The following GRIP1 variants were observed in gnomAD, a reference collection of about 807,000 sequenced individuals.
The protein encoded by GRIP1 is glutamate receptor interacting protein 1.
Under a neutral mutation model 129.9 loss-of-function variants are expected in GRIP1, and 45 were observed. The observed-to-expected ratio is 0.35, with a 90% confidence interval of 0.27 to 0.44. The LOEUF is 0.44. Among genes scored for constraint, GRIP1 ranks in the 20% least tolerant of loss-of-function variants. The pLI, the probability that GRIP1 is intolerant of heterozygous loss-of-function variation, is 1.00. For missense variants in GRIP1, 1,196 were observed against 1,396.8 expected (o/e 0.86, Z 2.29); for synonymous variants, 530 against 520.8 (o/e 1.02, Z -0.24).
intron 1 of GRIP1, among the ~76,000 whole-genome samples, chr12:66,690,650 G>A (rs534620701): frequency 1.8e-4 from 27 of 151,202 alleles, no homozygotes; most frequent in Non-Finnish European, 3.7e-4. Context: ...AGAACCAGCT[G>A]AGCTCAGGAG....
At chr12:66,530,510 G>T (rs1334193640) in intron 4 of GRIP1, among the ~76,000 whole-genome samples, 1 of 152,104 alleles carries the variant, frequency 6.6e-6, no homozygotes, top group African/African-American at 2.4e-5. Flanking sequence ...ACTACAGATT[G>T]ACTTAATTTT....
intron 1 of GRIP1, among the ~76,000 whole-genome samples, chr12:66,754,141 T>G (rs2037211278): frequency 6.6e-6 from 1 of 152,238 alleles, no homozygotes; most frequent in Non-Finnish European, 1.5e-5. Context: ...AATTATGATC[T>G]GTTGTGATTT....
intron 1 of GRIP1, among the ~76,000 whole-genome samples, chr12:66,809,286 A>C (rs1223460421): frequency 6.6e-6 from 1 of 152,254 alleles, no homozygotes; most frequent in Non-Finnish European, 1.5e-5. Flanking sequence ...TTCCTAGATC[A>C]GCGATTAGGG....
At chr12:66,593,640 C>T (rs760530551) in intron 2 of GRIP1, among the ~76,000 whole-genome samples, 1 of 152,158 alleles carries the variant, frequency 6.6e-6, no homozygotes, top group South Asian at 2.1e-4. Context: ...TGCTACTTTA[C>T]ACTCTTTTTC....
At chr12:66,767,214 T>C (rs953392959) in intron 1 of GRIP1, among the ~76,000 whole-genome samples, 1 of 152,174 alleles carries the variant, frequency 6.6e-6, no homozygotes, top group Non-Finnish European at 1.5e-5. Flanking sequence ...TAAAATACTA[T>C]TTTTTGCCAC....
chr12:66,865,648 C>G (rs575771539), intron 1 of GRIP1, among the ~76,000 whole-genome samples: 225 of 152,204 alleles, frequency 1.5e-3, no homozygotes, highest in African/African-American at 3.6e-3. Context: ...CCCACCCATT[C>G]ATTCATCTAC....
intron 1 of GRIP1, among the ~76,000 whole-genome samples, chr12:66,725,857 A>G (rs1443330475): frequency 1.3e-5 from 2 of 152,232 alleles, no homozygotes; most frequent in African/African-American, 4.8e-5. Flanking sequence ...CTGCAAATTC[A>G]TAACTCACTA....
chr12:66,930,039 TTC>T (rs1248824999), intron 1 of GRIP1, among the ~76,000 whole-genome samples: 3 of 143,338 alleles, frequency 2.1e-5, no homozygotes, highest in South Asian at 2.3e-4. Context: ...GTTACCCAGG[TTC>T]TCTCTCTCTC....
At chr12:66,560,910 C>A (rs370933484) in intron 2 of GRIP1, among the ~76,000 whole-genome samples, 1 of 152,174 alleles carries the variant, frequency 6.6e-6, no homozygotes, top group African/African-American at 2.4e-5. Flanking sequence ...GCACTATGTA[C>A]AACAACCAGG....
intron 1 of GRIP1, among the ~76,000 whole-genome samples, chr12:66,724,822 T>C (rs1240486233): frequency 6.6e-6 from 1 of 152,160 alleles, no homozygotes. Context: ...ACAATCTGCC[T>C]GAGGGCTAAC....
intron 1 of GRIP1, among the ~76,000 whole-genome samples, chr12:66,659,088 G>C (rs1427329768): frequency 1.3e-5 from 2 of 152,136 alleles, no homozygotes; most frequent in African/African-American, 4.8e-5. Flanking sequence ...CATGGCTTTT[G>C]TACTTGCTCT....
intron 1 of GRIP1, among the ~76,000 whole-genome samples, chr12:66,860,298 T>C (rs2040089014): frequency 6.6e-6 from 1 of 152,076 alleles, no homozygotes; most frequent in African/African-American, 2.4e-5. Flanking sequence ...TAGTTTCCTT[T>C]CAGGACAGTG....
At chr12:66,787,907 A>G (rs542737624) in intron 1 of GRIP1, among the ~76,000 whole-genome samples, 71 of 152,236 alleles carry the variant, frequency 4.7e-4, no homozygotes, top group African/African-American at 1.6e-3. Context: ...TGATCTGCCT[A>G]CCATCAGCCA....
chr12:66,378,118 A>C (rs2055901564), intron 20 of GRIP1, among the ~76,000 whole-genome samples: 2 of 152,036 alleles, frequency 1.3e-5, no homozygotes, highest in African/African-American at 4.8e-5. Flanking sequence ...AAAAAAAAAA[A>C]AGTAACTTAA....
chr12:66,455,020 T>G (rs2058915966), intron 11 of GRIP1, among the ~76,000 whole-genome samples: 1 of 152,300 alleles, frequency 6.6e-6, no homozygotes, highest in South Asian at 2.1e-4. Context: ...TTTCACAAAA[T>G]TTCTTTAGAA....
chr12:66,921,074 G>A (rs1566079113), intron 1 of GRIP1, among the ~76,000 whole-genome samples: 1 of 152,132 alleles, frequency 6.6e-6, no homozygotes, highest in Non-Finnish European at 1.5e-5. Context: ...TACCATTAGA[G>A]GCAGGTGATA....
intron 7 of GRIP1, among the ~76,000 whole-genome samples, chr12:66,467,530 A>G (rs1048726688): frequency 4.6e-5 from 7 of 152,168 alleles, no homozygotes; most frequent in African/African-American, 1.4e-4. Context: ...CATGAGCCTT[A>G]GTCAGGAGAC....
chr12:66,716,089 A>T (rs976329139), intron 1 of GRIP1, among the ~76,000 whole-genome samples: 3 of 152,020 alleles, frequency 2.0e-5, no homozygotes, highest in Non-Finnish European at 4.4e-5. Flanking sequence ...TCTGAGGTCA[A>T]TTCCCCTTAA....
At chr12:66,690,259 T>C (rs1219087222) in intron 1 of GRIP1, among the ~76,000 whole-genome samples, 2 of 152,210 alleles carry the variant, frequency 1.3e-5, no homozygotes, top group Admixed American at 1.3e-4. Flanking sequence ...AGTGAGATCA[T>C]ATAATATTGG....
Sources: gnomAD v4.1 joint callset for allele counts (sites outside exome capture counted in the v4.1 genomes callset) on GRCh38, gnomAD v4.1.1 for gene constraint, MANE v1.5 for transcripts, NCBI Gene and HGNC (gene_info 2026-07-23, HGNC 2026-07-21) for gene names.